Variants in SH3RF2 observed in about 807,000 individuals in gnomAD.
SH3RF2 encodes E3 ubiquitin-protein ligase SH3RF2.
In SH3RF2, 43 loss-of-function variants were observed where a neutral mutation model predicts 59.0. The ratio of observed to expected loss-of-function variants is 0.73; its 90% CI spans 0.57 to 0.94. The LOEUF (loss-of-function observed/expected upper bound fraction) is 0.94, where lower values mean the gene tolerates loss of function less well. Among genes scored for constraint, SH3RF2 ranks in the 40% least tolerant of loss-of-function variants. The probability of loss-of-function intolerance (pLI) is 0.00; values close to 1 mark genes in which losing one functional copy is unlikely to be tolerated. For synonymous variants in SH3RF2, 391 were observed against 391.5 expected, an observed-to-expected ratio of 1.00 and a Z score of 0.01; for missense variants, 930 against 940.1, an observed-to-expected ratio of 0.99 and a Z score of 0.14.
chr5:146,055,317 G>T (rs1452827733), intron 7 of SH3RF2, among the ~76,000 whole-genome samples: 2 of 152,178 alleles, frequency 1.3e-5, no homozygotes, highest in Non-Finnish European at 2.9e-5. Flanking sequence ...ATAAGTCTTT[G>T]TGTTTTTTTA....
At chr5:145,951,071 C>T (rs1211823152) in intron 2 of SH3RF2, among the ~76,000 whole-genome samples, 3 of 152,162 alleles carry the variant, frequency 2.0e-5, no homozygotes, top group Non-Finnish European at 4.4e-5. Context: ...GGAAACTTTG[C>T]ATTTATGTTT....
intron 5 of SH3RF2, among the ~76,000 whole-genome samples, chr5:146,024,473 G>A (rs920734649): frequency 6.6e-5 from 10 of 152,054 alleles, no homozygotes; most frequent in South Asian, 2.1e-4. Context: ...TTCAAGTCCC[G>A]TATCAGTTAT....
chr5:145,938,801 A>G (rs1286333205), intron 2 of SH3RF2, among the ~76,000 whole-genome samples: 1 of 152,194 alleles, frequency 6.6e-6, no homozygotes, highest in East Asian at 1.9e-4. Context: ...CTCATTCATA[A>G]TCTGTTCCAA....
At chr5:146,047,488 T>C (rs1415573598) in intron 5 of SH3RF2, among the ~76,000 whole-genome samples, 1 of 152,018 alleles carries the variant, frequency 6.6e-6, no homozygotes, top group East Asian at 1.9e-4. Context: ...GCCTGTGTAG[T>C]GCCCTGTGGA....
rs560919010 is a variant in SH3RF2 at position 146,047,660 on chromosome 5, T to C, written c.1060-112T>C. 9 of 922,666 alleles carry C rather than the reference T, an allele frequency of 9.8e-6. No individual in the cohort carries two copies. In the African/African-American group the frequency reaches 9.9e-5, roughly 10 times the overall value. The allele number at this position is 922,666 out of a possible 1,614,324, so 57.2% of individuals were successfully genotyped here. A position where few individuals can be genotyped will look rare whatever the true frequency, so the allele number is the denominator to read the frequency against. On this transcript the variant is annotated intron_variant, in intron 5 of 9. Transcript: ENST00000359120. Reference sequence around the variant, plus strand: ...GACGCACAATGGGTGGCACCAGGCATGGCTGTTGGTTTTCAGCTGTGTCAG... The same window carrying C: ...GACGCACAATGGGTGGCACCAGGCACGGCTGTTGGTTTTCAGCTGTGTCAG...
intron 2 of SH3RF2, among the ~76,000 whole-genome samples, chr5:145,953,195 A>G (rs1758259712): frequency 6.6e-6 from 1 of 152,152 alleles, no homozygotes; most frequent in Non-Finnish European, 1.5e-5. Flanking sequence ...TATATAAACT[A>G]AATATAGACA....
chr5:146,015,966 T>C (rs1447249991), intron 5 of SH3RF2, among the ~76,000 whole-genome samples: 1 of 152,178 alleles, frequency 6.6e-6, no homozygotes, highest in Non-Finnish European at 1.5e-5. Flanking sequence ...AAATGGCAAG[T>C]TCTTCCCTTT....
chr5:146,003,290 C>T (rs1760502272), intron 3 of SH3RF2, among the ~76,000 whole-genome samples: 1 of 152,168 alleles, frequency 6.6e-6, no homozygotes, highest in South Asian at 2.1e-4. Context: ...TGGGAAAGGG[C>T]ACAAAGGAAC....
intron 5 of SH3RF2, among the ~76,000 whole-genome samples, chr5:146,031,157 T>C: frequency 6.6e-6 from 1 of 152,188 alleles, no homozygotes; most frequent in South Asian, 2.1e-4. Context: ...CCATCCCATC[T>C]GCACTTCCAA....
chr5:146,076,371 C>T (rs1763342332), intron 9 of SH3RF2, among the ~76,000 whole-genome samples: 1 of 152,074 alleles, frequency 6.6e-6, no homozygotes, highest in African/African-American at 2.4e-5. Context: ...TAGGTGGACA[C>T]CCAGCATCAG....
intron 2 of SH3RF2, among the ~76,000 whole-genome samples, chr5:145,949,995 A>T (rs1758131798): frequency 6.6e-6 from 1 of 152,182 alleles, no homozygotes; most frequent in Admixed American, 6.5e-5. Flanking sequence ...AAGCCAACAC[A>T]ACCAAGTGGA....
chr5:145,998,281 TAAA>T (rs35018423), intron 2 of SH3RF2, among the ~76,000 whole-genome samples: 326 of 140,288 alleles, frequency 2.3e-3, no homozygotes, highest in Middle Eastern at 3.7e-3. Context: ...GGCCCATAGT[TAAA>T]AAAAAAAAAA....
chr5:146,050,674 T>C (rs1326078927), intron 7 of SH3RF2, among the ~76,000 whole-genome samples: 1 of 152,188 alleles, frequency 6.6e-6, no homozygotes, highest in African/African-American at 2.4e-5. Flanking sequence ...AAACAAAATA[T>C]ACAAAATTCC....
intron 2 of SH3RF2, among the ~76,000 whole-genome samples, chr5:145,971,606 A>G (rs1759083194): frequency 6.6e-6 from 1 of 152,206 alleles, no homozygotes; most frequent in African/African-American, 2.4e-5. Flanking sequence ...GGAAAGGCCC[A>G]GCAGAAATAT....
intron 2 of SH3RF2, among the ~76,000 whole-genome samples, chr5:145,949,644 G>T (rs1758120128): frequency 6.6e-6 from 1 of 152,092 alleles, no homozygotes; most frequent in Admixed American, 6.6e-5. Context: ...CGAGTAGATT[G>T]GTTTGATGCA....
chr5:145,976,007 G>C (rs1404386879), intron 2 of SH3RF2, among the ~76,000 whole-genome samples: 1 of 152,192 alleles, frequency 6.6e-6, no homozygotes, highest in Non-Finnish European at 1.5e-5. Flanking sequence ...TATACAGCTT[G>C]CATAAGATAA....
intron 2 of SH3RF2, among the ~76,000 whole-genome samples, chr5:145,980,717 G>T (rs929220310): frequency 6.6e-6 from 1 of 152,082 alleles, no homozygotes; most frequent in Non-Finnish European, 1.5e-5. Context: ...TTCAAGGAAG[G>T]TGCCTTTTTG....
intron 5 of SH3RF2, among the ~76,000 whole-genome samples, chr5:146,034,632 A>G (rs1761865003): frequency 6.6e-6 from 1 of 152,156 alleles, no homozygotes; most frequent in African/African-American, 2.4e-5. Context: ...ATGACCAACC[A>G]AGGTCTCAGC....
chr5:146,042,143 G>A (rs375181288), intron 5 of SH3RF2, among the ~76,000 whole-genome samples: 126 of 152,116 alleles, frequency 8.3e-4, no homozygotes, highest in African/African-American at 3.0e-3. Context: ...TGAGAGCCAC[G>A]GCATGGGATG....
Sources: allele counts gnomAD v4.1 joint callset (sites outside exome capture counted in the v4.1 genomes callset), GRCh38; gene constraint gnomAD v4.1.1; transcripts MANE v1.5; gene names NCBI Gene and HGNC (gene_info 2026-07-23, HGNC 2026-07-21).